ERCC2: variants seen among roughly 807,000 people sequenced by gnomAD.
The protein encoded by ERCC2 is general transcription and DNA repair factor IIH helicase subunit XPD.
A neutral mutation model predicts 99.4 loss-of-function variants in ERCC2; 90 were observed. The observed-to-expected ratio is 0.91, with a 90% confidence interval of 0.76 to 1.08. The LOEUF (loss-of-function observed/expected upper bound fraction) is 1.08, where lower values mean the gene tolerates loss of function less well. Among genes scored for constraint, ERCC2 ranks in the 50% least tolerant of loss-of-function variants. The pLI, the probability that ERCC2 is intolerant of heterozygous loss-of-function variation, is 0.00. For synonymous variants in ERCC2, 497 were observed against 432.4 expected (o/e 1.15, Z -1.85); for missense variants, 993 against 1,038.1 (o/e 0.96, Z 0.60).
chr19:45,350,906 G>A lies in ERCC2; in HGVS notation c.*723C>T, dbSNP rs1221589468. 2.8e-5 allele frequency: 44 copies of A among 1,594,950 alleles called. No individual in the cohort carries two copies. The highest frequency in any genetic ancestry group is 3.6e-5 in the Non-Finnish European group (42 of 1,163,038). On this transcript the variant is annotated 3_prime_UTR_variant, in exon 23 of 23. Transcript: ENST00000391945. Reference sequence around the variant, plus strand: ...TGCTGGAAAGGTCCCTCGTGGAGGGGGGCCACTCCTGGATTCACTCATTTC... The same window carrying A: ...TGCTGGAAAGGTCCCTCGTGGAGGGAGGCCACTCCTGGATTCACTCATTTC...
In ERCC2 at chr19:45,359,644, C is replaced by G. The variant is rs949031471; in HGVS notation, c.1237+1880G>C. Among the ~76,000 whole-genome samples, 11 of 152,222 alleles carry G rather than the reference C, an allele frequency of 7.2e-5. 1 individual carries two copies. Among genetic ancestry groups the G allele is most frequent in the Admixed American group, 7.2e-4 (11 of 15,284 alleles). ...CACCACGCTCCCCATATCCCAGCCT[C>G]TCTACCTCCCACATCTCTCTCCAAA... is the stretch of plus-strand genomic sequence containing the variant. On this transcript the variant is annotated intron_variant, in intron 12 of 22. Transcript: ENST00000391945.
Position 45,350,453 on chromosome 19 carries a change from G to A in ERCC2, c.*1176C>T, listed in dbSNP as rs189367755. 4.8e-5 allele frequency: 77 copies of A among 1,611,242 alleles called. No homozygotes were observed. The African/African-American group carries it at 6.7e-4, about 14-fold the overall frequency. On this transcript the variant is annotated 3_prime_UTR_variant, in exon 23 of 23. Transcript: ENST00000391945. ...CTCGGTGAGCCCCTAGCCCCTGTCTGTCTTCCCTCCTGGTGGCTTCTCTAT... is the reference window on the plus strand; with the variant it reads ...CTCGGTGAGCCCCTAGCCCCTGTCTATCTTCCCTCCTGGTGGCTTCTCTAT...
At position 45,352,581 on chromosome 19, in the gene ERCC2, C is replaced by T; in HGVS notation, c.1971G>A (p.Met657Ile). The change falls in exon 21 of 23, where the codon ATG (methionine) becomes ATA (isoleucine). Residue 657 changes from methionine to isoleucine, a missense_variant. By Grantham distance (10) the Met-to-Ile change is conservative (BLOSUM62 1). Around this residue, in one of 3 missense-constraint regions of ERCC2, gnomAD observed 909 missense variants for 930.8 expected, o/e 0.98. Coordinates refer to ENST00000391945, the MANE Select transcript of ERCC2 (RefSeq NM_000400.4). ...RENDFLTFDA[M>I]RHAAQCVGRA... Reference sequence around the variant, plus strand: ...GACCCACACACTGGGCCGCGTGGCGCATGGCATCGAAGGTAAGAAAGTCAT... The same window carrying T: ...GACCCACACACTGGGCCGCGTGGCGTATGGCATCGAAGGTAAGAAAGTCAT... The T allele has an allele frequency of 5.0e-6, 8 of 1,614,058 alleles. No homozygotes were observed. The highest frequency in any genetic ancestry group is 1.3e-5 in the African/African-American group (1 of 75,054).
At chr19:45,352,082 T>A in intron 22 of ERCC2, 127 bp downstream of exon 22, 1 of 1,149,834 alleles carries the variant, frequency 8.7e-7, no homozygotes, top group Non-Finnish European at 1.3e-6. Flanking sequence ...AGATGCACGA[T>A]AAACTTCTCT....
chr19:45,354,603 C>A, intron 17 of ERCC2, 127 bp downstream of exon 17: 1 of 1,221,290 alleles, frequency 8.2e-7, no homozygotes, highest in African/African-American at 1.5e-5. Context: ...TTCCTACATG[C>A]TGCACACACT....
chr19:45,365,252 T>G, intron 5 of ERCC2, 94 bp from the exon 6 acceptor site: 1 of 922,790 alleles, frequency 1.1e-6, no homozygotes. Context: ...GCTGGGGTTT[T>G]GGACAACTTG....
chr19:45,350,225 C>A lies in ERCC2; in HGVS notation c.*1404G>T. On this transcript the variant is annotated 3_prime_UTR_variant, in exon 23 of 23. Coordinates refer to ENST00000391945, the MANE Select transcript of ERCC2 (RefSeq NM_000400.4). ...TCACTTGAGGCTAGGAGTTCAAGAC[C>A]AGCCTGGGCAACATACCAAGACCCC... 1 of 749,768 alleles carries A rather than the reference C, an allele frequency of 1.3e-6. No individual in the cohort carries two copies. 46.4% of individuals were successfully genotyped at this position (749,768 alleles called of 1,614,324 possible).
Position 45,370,115 on chromosome 19 carries a change from G to T in ERCC2, c.105+18C>A. On this transcript the variant is annotated intron_variant, in intron 2 of 22. Transcript: ENST00000391945. The stretch of plus-strand genomic sequence containing the variant: ...CCCCACCGGTCGAGTGGGCGGGTCG[G>T]GCCCACCGGCCACCCACCTTGGCGT... 1.2e-6 allele frequency: 2 copies of T among 1,611,964 alleles called. No individual in the cohort carries two copies. The highest frequency in any genetic ancestry group is 1.7e-6 in the Non-Finnish European group (2 of 1,178,650).
chr19:45,355,814 CTT>C (rs35665496), intron 15 of ERCC2, 86 bp from the exon 16 acceptor site: 61,051 of 654,450 alleles, frequency 0.093, 1 homozygote, highest in Middle Eastern at 0.12. Flanking sequence ...CTGTTCTAAG[CTT>C]TTTTTTTTTT....
intron 12 of ERCC2, chr19:45,358,801 G>A: frequency 1.3e-6 from 1 of 779,804 alleles, no homozygotes; most frequent in Non-Finnish European, 2.4e-6. Flanking sequence ...TTATTTCCTT[G>A]TTTATTTGGC....
intron 14 of ERCC2, 35 bp downstream of exon 14, chr19:45,357,439 T>C (rs749596082): frequency 3.7e-6 from 6 of 1,610,836 alleles, no homozygotes; most frequent in Non-Finnish European, 5.1e-6. Context: ...TGGAGGGAGG[T>C]CAGGGACTAG....
chr19:45,351,724 G>A lies in ERCC2; in HGVS notation c.2191-3C>T, dbSNP rs748611039. ...AGGGACAGGCCCAGCTGATCCTCCT[G>A]CAGAGAACAGAGGAAAGGGAGAGGG... On this transcript the variant is annotated splice_region_variant and splice_polypyrimidine_tract_variant and intron_variant, in intron 22 of 22. Transcript: ENST00000391945. 1.4e-5 allele frequency: 22 copies of A among 1,613,540 alleles called. No individual in the cohort carries two copies. Among genetic ancestry groups the A allele is most frequent in the East Asian group, 6.7e-5 (3 of 44,886 alleles).
In ERCC2 at chr19:45,351,594, T is replaced by G. The variant is rs534964535; in HGVS notation, c.*35A>C. 3.3e-5 allele frequency: 53 copies of G among 1,611,942 alleles called. No homozygotes were observed. Among genetic ancestry groups the G allele is most frequent in the East Asian group, 3.1e-4 (14 of 44,844 alleles). ...ACCAGGGCCAGGCAAGACTCAGGAG[T>G]CACCAGGAACCGTTTATGGCCCCAC... On this transcript the variant is annotated 3_prime_UTR_variant, in exon 23 of 23. Transcript: ENST00000391945.
intron 5 of ERCC2, among the ~76,000 whole-genome samples, chr19:45,367,274 G>T (rs1418704501): frequency 6.6e-6 from 1 of 151,916 alleles, no homozygotes; most frequent in Non-Finnish European, 1.5e-5. Context: ...GGCGGAGCTT[G>T]TAGTAAGCCA....
At chr19:45,369,217 C>G in intron 2 of ERCC2, 70 bp from the exon 3 acceptor site, 1 of 1,247,446 alleles carries the variant, frequency 8.0e-7, no homozygotes, top group Non-Finnish European at 1.2e-6. Context: ...TCTGGGGACT[C>G]TCCCCGACCC....
At chr19:45,369,218 TC>T in intron 2 of ERCC2, 71 bp from the exon 3 acceptor site, 1 of 1,255,218 alleles carries the variant, frequency 8.0e-7, no homozygotes, top group Non-Finnish European at 1.2e-6. Flanking sequence ...CTGGGGACTC[TC>T]CCCGACCCCC....
chr19:45,352,646 G>T lies in ERCC2; in HGVS notation c.1906C>A (p.Arg636=), dbSNP rs773359656. ...AACTGGTCCCGCAGGTATTCCAGCC[G>T]CGCCTGCAGATACGGAGGATGAGAA... ...VYTQSRILKA[R]LEYLRDQFQI... is the part of the protein sequence containing the mutation. Residue 636 remains arginine (R), a synonymous_variant, in exon 21 of 23, where the codon CGG becomes AGG. Coordinates refer to ENST00000391945, the MANE Select transcript of ERCC2 (RefSeq NM_000400.4). 1.2e-6 allele frequency: 2 copies of T among 1,613,934 alleles called. No homozygotes were observed. The highest frequency in any genetic ancestry group is 1.1e-5 in the South Asian group (1 of 91,082).
At chr19:45,359,350 G>A (rs2123262417) in intron 12 of ERCC2, among the ~76,000 whole-genome samples, 1 of 152,312 alleles carries the variant, frequency 6.6e-6, no homozygotes, top group African/African-American at 2.4e-5. Flanking sequence ...GGCAGAAGCA[G>A]CAGCCAGCCG....
rs1486340983 is a variant in ERCC2 at position 45,364,123 on chromosome 19, C to T, written c.816-4G>A. On this transcript the variant is annotated splice_region_variant and splice_polypyrimidine_tract_variant and intron_variant, in intron 9 of 22. Transcript: ENST00000391945. ...CTGCTCGTCTGTCTCTTTGATCCTG[C>T]GGAGAGATGAGCTGGGGCTGGGAGG... 1.2e-5 allele frequency: 19 copies of T among 1,611,312 alleles called. No homozygotes were observed. In the African/African-American group the frequency reaches 1.6e-4, roughly 14 times the overall value.
Sources: gnomAD v4.1 joint callset for allele counts (sites outside exome capture counted in the v4.1 genomes callset) on GRCh38, gnomAD v4.1.1 for gene constraint, gnomAD v4.1.1 regional missense constraint, MANE v1.5 for transcripts, NCBI Gene and HGNC (gene_info 2026-07-23, HGNC 2026-07-21) for gene names.